C4orf51: variants seen among roughly 807,000 people sequenced by gnomAD.
C4orf51 encodes the protein chromosome 4 open reading frame 51.
In C4orf51, 25 loss-of-function variants were observed where a neutral mutation model predicts 25.2. That is an observed-to-expected ratio of 0.99 (90% CI 0.72 to 1.39). The LOEUF (loss-of-function observed/expected upper bound fraction) is 1.39. Ranked by LOEUF, C4orf51 falls within the 40% of genes most tolerant of loss-of-function variation. The pLI, the probability that C4orf51 is intolerant of heterozygous loss-of-function variation, is 0.00. For synonymous variants in C4orf51, 100 were observed against 84.5 expected, an observed-to-expected ratio of 1.18 and a Z score of -1.01; for missense variants, 252 against 239.6, an observed-to-expected ratio of 1.05 and a Z score of -0.34.
Position 145,680,167 on chromosome 4 carries a change from C to G in C4orf51, c.-37C>G. 1 of 1,454,404 alleles carries G rather than the reference C, an allele frequency of 6.9e-7. No homozygotes were observed. The highest frequency in any genetic ancestry group is 9.7e-7 in the Non-Finnish European group (1 of 1,035,056). 90.1% of individuals were successfully genotyped at this position (1,454,404 alleles called of 1,614,324 possible). On this transcript the variant is annotated 5_prime_UTR_variant, in exon 1 of 6. Coordinates refer to ENST00000438731, the MANE Select transcript of C4orf51 (RefSeq NM_001080531.3). ...AATTAATTCTTCATTATGCAGAGGA[C>G]TTGACAAGTTGTTTTCCAGAGAGGC...
In C4orf51 at chr4:145,768,903, ATATATATATAT is replaced by A. The variant is rs1560894603; in HGVS notation, n.167-2084_167-2074del. On this transcript the variant is annotated intron_variant and non_coding_transcript_variant, in intron 1 of 1. Coordinates refer to the C4orf51 transcript ENST00000510096. ...AAAAAAAAAAAAAATATATATATAT[ATATATATATAT>A]ATTAGGTATACAAAGTTTGGAAATA... 9.9e-4 allele frequency among the ~76,000 whole-genome samples: 31 copies of A among 31,292 alleles called. 3 individuals carry two copies. Among genetic ancestry groups the A allele is most frequent in the African/African-American group, 2.6e-3 (30 of 11,710 alleles). The allele number at this position is 31,292 out of a possible 152,430, so 20.5% of individuals were successfully genotyped here. A position where few individuals can be genotyped will look rare whatever the true frequency, so the allele number is the denominator to read the frequency against.
intron 2 of C4orf51, among the ~76,000 whole-genome samples, 194 bp from the exon 3 acceptor site, chr4:145,726,717 G>A (rs1208476883): frequency 6.6e-6 from 1 of 152,118 alleles, no homozygotes; most frequent in East Asian, 1.9e-4. Flanking sequence ...ATAAATTACT[G>A]TTAACTGTAT....
At chr4:145,694,433 C>A in intron 1 of C4orf51, among the ~76,000 whole-genome samples, 1 of 125,136 alleles carries the variant, frequency 8.0e-6, no homozygotes. Context: ...CGCCTCTGCC[C>A]GGCCGCCCCT....
In C4orf51 at chr4:145,765,773, A is replaced by C. The variant is rs1225895263; in HGVS notation, n.167-5215A>C. Reference sequence around the variant, plus strand: ...AAGCAAATAACCCAGTCTGTTAATGAGATGAAAATCCTCAGAATTATAGCA... The same window carrying C: ...AAGCAAATAACCCAGTCTGTTAATGCGATGAAAATCCTCAGAATTATAGCA... On this transcript the variant is annotated intron_variant and non_coding_transcript_variant, in intron 1 of 1. Transcript: ENST00000510096. The surrounding 1 kb of genome is among the most constrained non-coding windows in gnomAD (Gnocchi z 4.7). 5.0e-6 allele frequency: 8 copies of C among 1,595,480 alleles called. No individual in the cohort carries two copies. Among genetic ancestry groups the C allele is most frequent in the Non-Finnish European group, 6.8e-6 (8 of 1,169,718 alleles).
the C4orf51 span, among the ~76,000 whole-genome samples, chr4:145,788,426 C>T: frequency 0.14 from 21,860 of 151,974 alleles, 1,775 homozygotes; most frequent in East Asian, 0.28. Flanking sequence ...GAATCCAGGC[C>T]AATTGATGGC....
chr4:145,767,002 A>AAGC (rs1461444089), intron 1 of C4orf51, among the ~76,000 whole-genome samples: 1 of 152,224 alleles, frequency 6.6e-6, no homozygotes, highest in Non-Finnish European at 1.5e-5. Flanking sequence ...ATAAAATATT[A>AAGC]AGCACCCAAC....
downstream of C4orf51, among the ~76,000 whole-genome samples, chr4:145,772,855 G>A (rs1464573554): frequency 6.6e-6 from 1 of 152,204 alleles, no homozygotes; most frequent in Admixed American, 6.5e-5. Context: ...CTACATCAGA[G>A]AGAACAAGAT....
At chr4:145,741,409 C>T (rs1285001914) in intron 1 of C4orf51, among the ~76,000 whole-genome samples, 3 of 152,032 alleles carry the variant, frequency 2.0e-5, no homozygotes, top group African/African-American at 7.2e-5. Flanking sequence ...ATCTGTGTAG[C>T]CCTCTTTTCC....
downstream of C4orf51, chr4:145,774,767 A>G: frequency 7.3e-7 from 1 of 1,367,648 alleles, no homozygotes; most frequent in Non-Finnish European, 9.9e-7. Context: ...CACTCAAGAA[A>G]ACTGGAATTT....
chr4:145,763,013 G>C lies in C4orf51; in HGVS notation n.167-7975G>C. On this transcript the variant is annotated intron_variant and non_coding_transcript_variant, in intron 1 of 1. Coordinates refer to the C4orf51 transcript ENST00000510096. This position sits in a 1 kb window ranked among gnomAD's most constrained non-coding sequence, Gnocchi z 4.6. ...AGCCTTTGAACCTCAGCTCACAGAAGAGTGCACACGAGAGAAATATAAAGC... is the reference window on the plus strand; with the variant it reads ...AGCCTTTGAACCTCAGCTCACAGAACAGTGCACACGAGAGAAATATAAAGC... 7.4e-7 allele frequency: 1 copy of C among 1,360,408 alleles called. No homozygotes were observed. The highest frequency in any genetic ancestry group is 1.5e-5 in the African/African-American group (1 of 68,876). The allele number at this position is 1,360,408 out of a possible 1,614,324, so 84.3% of individuals were successfully genotyped here. A position where few individuals can be genotyped will look rare whatever the true frequency, so the allele number is the denominator to read the frequency against.
At chr4:145,709,132 A>G (rs753370252) in intron 2 of C4orf51, among the ~76,000 whole-genome samples, 4 of 152,238 alleles carry the variant, frequency 2.6e-5, no homozygotes, top group East Asian at 1.9e-4. Flanking sequence ...GACATAAAGT[A>G]GTAACCTCCA....
At chr4:145,767,783 G>A (rs984976287) in intron 1 of C4orf51, among the ~76,000 whole-genome samples, 1 of 151,936 alleles carries the variant, frequency 6.6e-6, no homozygotes, top group Non-Finnish European at 1.5e-5. Context: ...CAAAAATGAA[G>A]GCAACAAACA....
intron 1 of C4orf51, among the ~76,000 whole-genome samples, chr4:145,746,434 A>G (rs1004521847): frequency 6.6e-5 from 10 of 151,992 alleles, no homozygotes; most frequent in Admixed American, 3.3e-4. Context: ...CTGCATATGG[A>G]TATCTAGTTT....
chr4:145,789,091 T>C, the C4orf51 span, among the ~76,000 whole-genome samples: 2 of 152,236 alleles, frequency 1.3e-5, no homozygotes, highest in African/African-American at 4.8e-5. Flanking sequence ...CTCCTCCTTC[T>C]TGGCTGTCTG....
At chr4:145,773,752 GGTTT>G (rs1250783608), downstream of C4orf51, among the ~76,000 whole-genome samples, 1 of 152,184 alleles carries the variant, frequency 6.6e-6, no homozygotes, top group Non-Finnish European at 1.5e-5. Flanking sequence ...GACAGTGATG[GGTTT>G]GTTTCAGGAG....
chr4:145,687,005 G>C (rs879832625), intron 1 of C4orf51, among the ~76,000 whole-genome samples: 28 of 124,910 alleles, frequency 2.2e-4, no homozygotes, highest in African/African-American at 8.1e-4. Flanking sequence ...GATCTTGTGG[G>C]GGGGGCGGTT....
chr4:145,765,284 T>C lies in C4orf51; in HGVS notation n.167-5704T>C. ...CCTCCGACGCCTGACAGCTATACCC[T>C]TCCAGGCACTGTTCCCCATATCTCT... On this transcript the variant is annotated intron_variant and non_coding_transcript_variant, in intron 1 of 1. Coordinates refer to the C4orf51 transcript ENST00000510096. The surrounding 1 kb of genome is among the most constrained non-coding windows in gnomAD (Gnocchi z 4.7). The C allele has an allele frequency of 8.7e-7, 1 of 1,147,798 alleles. No individual in the cohort carries two copies. The highest frequency in any genetic ancestry group is 1.2e-6 in the Non-Finnish European group (1 of 832,176). 71.1% of individuals were successfully genotyped at this position (1,147,798 alleles called of 1,614,324 possible). A position where few individuals can be genotyped will look rare whatever the true frequency, so the allele number is the denominator to read the frequency against.
chr4:145,756,744 A>C (rs1451738846), downstream of C4orf51, among the ~76,000 whole-genome samples: 2 of 152,250 alleles, frequency 1.3e-5, no homozygotes, highest in Non-Finnish European at 2.9e-5. Context: ...ATTTGAATCA[A>C]ATTAACGTAT....
chr4:145,749,825 G>T (rs563232833), intron 1 of C4orf51, among the ~76,000 whole-genome samples: 151 of 151,912 alleles, frequency 9.9e-4, no homozygotes, highest in Non-Finnish European at 1.8e-3. Context: ...TAGTAGAGAC[G>T]GGGTTTCACT....
Sources: gnomAD v4.1 joint callset for allele counts (sites outside exome capture counted in the v4.1 genomes callset) on GRCh38, gnomAD v4.1.1 for gene constraint, Gnocchi (gnomAD v3.1) non-coding constraint, MANE v1.5 for transcripts, NCBI Gene and HGNC (gene_info 2026-07-23, HGNC 2026-07-21) for gene names.